TLE7: variants seen among roughly 807,000 people sequenced by gnomAD.
TLE7 encodes TLE family member 7.
chr16:71,439,750 T>C (rs1440761602), intron 1 of TLE7, among the ~76,000 whole-genome samples: 1 of 152,018 alleles, frequency 6.6e-6, no homozygotes, highest in Non-Finnish European at 1.5e-5. Context: ...TGTGGGGAAA[T>C]TGGAACCCTC....
intron 9 of TLE7, 21 bp from the exon 10 acceptor site, chr16:71,430,387 A>T (rs949656347): frequency 5.0e-6 from 2 of 398,734 alleles, no homozygotes; most frequent in African/African-American, 4.1e-5. Context: ...GGAAGGGCCA[A>T]AACAGGGATC....
intron 9 of TLE7, 74 bp downstream of exon 9, chr16:71,430,594 G>A (rs2145041589): frequency 5.0e-6 from 2 of 398,020 alleles, no homozygotes; most frequent in East Asian, 7.1e-5. Flanking sequence ...AACACCCACT[G>A]GAATCCAACC....
intron 1 of TLE7, among the ~76,000 whole-genome samples, chr16:71,441,423 C>G (rs914077366): frequency 2.6e-5 from 4 of 152,224 alleles, no homozygotes; most frequent in Non-Finnish European, 4.4e-5. Flanking sequence ...GGGGTTCTGG[C>G]CTGCAGGGCG....
Position 71,441,023 on chromosome 16 carries a change from C to A in TLE7, c.-97+946G>T, listed in dbSNP as rs116144380. ...TACATTGCTCTTCCCACCCACCTCG[C>A]GTCCCGTCCCTGCCATGGGAAGTTT... is the stretch of plus-strand genomic sequence containing the variant. On this transcript the variant is annotated intron_variant, in intron 1 of 9. Coordinates refer to ENST00000561754, the MANE Select transcript of TLE7 (RefSeq NM_001367365.2). Among the ~76,000 whole-genome samples, 1,075 of 152,254 alleles carry A rather than the reference C, an allele frequency of 7.1e-3. 21 individuals are homozygous for A. Among genetic ancestry groups the A allele is most frequent in the African/African-American group, 0.025 (1,033 of 41,554 alleles).
Position 71,433,049 on chromosome 16 carries a change from A to C in TLE7, c.276T>G (p.Asp92Glu), listed in dbSNP as rs989865015. 2.5e-6 allele frequency: 1 copy of C among 398,664 alleles called. No individual in the cohort carries two copies. Among genetic ancestry groups the C allele is most frequent in the Admixed American group, 4.4e-5 (1 of 22,722 alleles). 24.7% of individuals were successfully genotyped at this position (398,664 alleles called of 1,614,324 possible). ...ACTCTGCTGCTTCTCCTGGTTGTGC[A>C]TCAGGGAGCCCAGCGGCCTGGAGCT... is the stretch of plus-strand genomic sequence containing the variant. ...RSELQAAGLP[D>E]AQPGEAAESS... The change falls in exon 2 of 10, where the codon GAT (aspartate) becomes GAG (glutamate). Residue 92 changes from aspartate to glutamate, a missense_variant. Asp to Glu is a conservative substitution (Grantham distance 45). Transcript: ENST00000561754.
chr16:71,440,394 C>T (rs1213791868), intron 1 of TLE7, among the ~76,000 whole-genome samples: 1 of 152,194 alleles, frequency 6.6e-6, no homozygotes, highest in Admixed American at 6.5e-5. Flanking sequence ...AGGAGAATCA[C>T]TTGAACCCAG....
rs1433951460 is a variant in TLE7 at position 71,431,755 on chromosome 16, T to A, written c.851+6A>T. 2.5e-6 allele frequency: 1 copy of A among 400,284 alleles called. No homozygotes were observed. Among genetic ancestry groups the A allele is most frequent in the Admixed American group, 4.4e-5 (1 of 22,670 alleles). The allele number at this position is 400,284 out of a possible 1,614,324, so 24.8% of individuals were successfully genotyped here. On this transcript the variant is annotated splice_donor_region_variant and intron_variant, in intron 6 of 9. Coordinates refer to ENST00000561754, the MANE Select transcript of TLE7 (RefSeq NM_001367365.2). The surrounding 1 kb of genome is among the most constrained non-coding windows in gnomAD (Gnocchi z 4.5). ...ACACCTGAGTGGCTCTGGAGAGAGG[T>A]CATACCTGATCAAGATTTGGTTCTG...
chr16:71,440,003 C>T (rs1231548526), intron 1 of TLE7, among the ~76,000 whole-genome samples: 2 of 152,176 alleles, frequency 1.3e-5, no homozygotes, highest in Admixed American at 6.5e-5. Flanking sequence ...AAATATACAA[C>T]GGAGCATTAC....
In TLE7 at chr16:71,430,258, A is replaced by G. The variant is rs375892627; in HGVS notation, c.*4T>C. On this transcript the variant is annotated 3_prime_UTR_variant, in exon 10 of 10. Coordinates refer to ENST00000561754, the MANE Select transcript of TLE7 (RefSeq NM_001367365.2). ...TTCACTGGCAGGACCATGGCATGCC[A>G]CCTTTAATACAAGAGCTGGTAGATG... The G allele has an allele frequency of 5.0e-6, 2 of 398,712 alleles. No individual in the cohort carries two copies. Among genetic ancestry groups the G allele is most frequent in the South Asian group, 2.5e-4 (2 of 7,858 alleles). The allele number at this position is 398,712 out of a possible 1,614,324, so 24.7% of individuals were successfully genotyped here.
At chr16:71,438,382 G>A (rs548182037) in intron 1 of TLE7, among the ~76,000 whole-genome samples, 4 of 129,940 alleles carry the variant, frequency 3.1e-5, no homozygotes, top group South Asian at 5.1e-4. Flanking sequence ...GCAAGATTGC[G>A]CCACTCCACT....
intron 1 of TLE7, among the ~76,000 whole-genome samples, chr16:71,435,656 G>A (rs1269018495): frequency 6.6e-6 from 1 of 152,204 alleles, no homozygotes; most frequent in Non-Finnish European, 1.5e-5. Context: ...AGGGAGATTT[G>A]TCACTGCATA....
Position 71,431,272 on chromosome 16 carries a change from G to A in TLE7, c.996C>T (p.Ile332=). Reference sequence around the variant, plus strand: ...CACCGGGGTCGTGGGTAATGCTGAGGATCTGTTCGTGGAAGCAGGTTTGAG... The same window carrying A: ...CACCGGGGTCGTGGGTAATGCTGAGAATCTGTTCGTGGAAGCAGGTTTGAG... The part of the protein sequence containing the change: ...RLHQHNLQNE[I]LSITHDPGEE... Residue 332 remains isoleucine, a splice_region_variant and synonymous_variant, in exon 8 of 10, where the codon ATC becomes ATT. Coordinates refer to ENST00000561754, the MANE Select transcript of TLE7 (RefSeq NM_001367365.2). This position sits in a 1 kb window ranked among gnomAD's most constrained non-coding sequence, Gnocchi z 4.5. 2.5e-6 allele frequency: 1 copy of A among 399,774 alleles called. No homozygotes were observed. Among genetic ancestry groups the A allele is most frequent in the Non-Finnish European group, 4.4e-6 (1 of 226,256 alleles). The allele number at this position is 399,774 out of a possible 1,614,324, so 24.8% of individuals were successfully genotyped here.
chr16:71,433,839 T>C (rs978388690), intron 1 of TLE7, among the ~76,000 whole-genome samples: 5 of 150,710 alleles, frequency 3.3e-5, no homozygotes, highest in African/African-American at 1.2e-4. Context: ...GTGCCTGTAA[T>C]CCCAGCTACT....
chr16:71,432,643 G>A (rs1427840151), intron 4 of TLE7, 22 bp downstream of exon 4: 3 of 398,786 alleles, frequency 7.5e-6, no homozygotes, highest in Admixed American at 8.8e-5. Context: ...GAAGGATCCT[G>A]AGTATGAAGT....
intron 1 of TLE7, among the ~76,000 whole-genome samples, 186 bp downstream of exon 1, chr16:71,441,783 G>A (rs539419067): frequency 6.6e-6 from 1 of 152,218 alleles, no homozygotes; most frequent in Non-Finnish European, 1.5e-5. Flanking sequence ...GCTGGCCCAC[G>A]GCCGACGCAT....
At chr16:71,435,282 G>A (rs918061404) in intron 1 of TLE7, among the ~76,000 whole-genome samples, 3 of 152,126 alleles carry the variant, frequency 2.0e-5, no homozygotes, top group Non-Finnish European at 4.4e-5. Context: ...GTGGTGCCAC[G>A]CACCTGTAAT....
chr16:71,432,642 T>C (rs1021696357), intron 4 of TLE7, 23 bp downstream of exon 4: 4 of 398,614 alleles, frequency 1.0e-5, no homozygotes, highest in Admixed American at 4.4e-5. Context: ...GGAAGGATCC[T>C]GAGTATGAAG....
intron 4 of TLE7, 101 bp from the exon 5 acceptor site, chr16:71,432,426 A>C (rs1250295842): frequency 2.8e-6 from 1 of 361,536 alleles, no homozygotes; most frequent in Non-Finnish European, 4.8e-6. Context: ...CCACCCATCC[A>C]CCCACCCAAC....
At chr16:71,437,395 GAGAGA>G (rs2042830505) in intron 1 of TLE7, among the ~76,000 whole-genome samples, 1 of 148,682 alleles carries the variant, frequency 6.7e-6, no homozygotes, top group Non-Finnish European at 1.5e-5. Flanking sequence ...AGGAGAGAGA[GAGAGA>G]AGAGAAGAAA....
Sources: gnomAD v4.1 joint callset for allele counts (sites outside exome capture counted in the v4.1 genomes callset) on GRCh38, gnomAD v4.1.1 for gene constraint, Gnocchi (gnomAD v3.1) non-coding constraint, MANE v1.5 for transcripts, NCBI Gene and HGNC (gene_info 2026-07-23, HGNC 2026-07-21) for gene names.